PDXDC1: variants seen among roughly 807,000 people sequenced by gnomAD.
PDXDC1 encodes the protein pyridoxal-dependent decarboxylase domain-containing protein 1.
PDXDC1 carries 42 observed loss-of-function variants against 100.1 expected under a neutral mutation model. The observed-to-expected ratio is 0.42, with a 90% CI of 0.33 to 0.54. The LOEUF (loss-of-function observed/expected upper bound fraction) is 0.54, where lower values mean the gene tolerates loss of function less well. Among genes scored for constraint, PDXDC1 ranks in the 20% least tolerant of loss-of-function variants. The pLI, the probability that PDXDC1 is intolerant of heterozygous loss-of-function variation, is 0.10. For synonymous variants in PDXDC1, 260 were observed against 371.7 expected (o/e 0.70, Z 3.46); for missense variants, 636 against 979.2 (o/e 0.65, Z 4.68).
At chr16:15,128,494 C>T in intron 16 of PDXDC1, 1 of 698,498 alleles carries the variant, frequency 1.4e-6, no homozygotes, top group Non-Finnish European at 2.5e-6. Flanking sequence ...CAAGGAGCCA[C>T]ACAGGCAGTC....
intron 16 of PDXDC1, among the ~76,000 whole-genome samples, chr16:15,050,136 CAAT>C (rs1343813467): frequency 1.3e-5 from 2 of 152,054 alleles, no homozygotes; most frequent in Non-Finnish European, 2.9e-5. Flanking sequence ...TACTAAGTGT[CAAT>C]AATCTGAGTG....
At chr16:15,005,411 A>G (rs555074997) in intron 5 of PDXDC1, among the ~76,000 whole-genome samples, 4 of 152,404 alleles carry the variant, frequency 2.6e-5, no homozygotes, top group Admixed American at 2.6e-4. Flanking sequence ...AGGAATTACA[A>G]CAGGTGAAGG....
intron 1 of PDXDC1, among the ~76,000 whole-genome samples, chr16:14,983,487 C>T (rs1186390346): frequency 2.7e-5 from 4 of 146,060 alleles, no homozygotes; most frequent in African/African-American, 9.9e-5. Context: ...GCAGGAGAAT[C>T]GCTTGAACCC....
intron 5 of PDXDC1, among the ~76,000 whole-genome samples, chr16:15,005,708 T>C (rs1974110200): frequency 6.6e-6 from 1 of 152,284 alleles, no homozygotes; most frequent in East Asian, 1.9e-4. Flanking sequence ...ACTAGCTTTT[T>C]TATTTTTTTG....
intron 16 of PDXDC1, among the ~76,000 whole-genome samples, chr16:15,077,610 G>A (rs1438576985): frequency 1.3e-5 from 2 of 152,188 alleles, no homozygotes; most frequent in Non-Finnish European, 2.9e-5. Flanking sequence ...GGGAGGCCGA[G>A]GTGGACGGAT....
intron 1 of PDXDC1, among the ~76,000 whole-genome samples, chr16:14,990,884 G>C (rs1353899034): frequency 1.3e-5 from 2 of 152,274 alleles, no homozygotes; most frequent in Non-Finnish European, 2.9e-5. Flanking sequence ...AGGACTACAG[G>C]CATACGTGAC....
intron 1 of PDXDC1, chr16:14,988,790 G>C: frequency 6.2e-7 from 1 of 1,613,920 alleles, no homozygotes; most frequent in Non-Finnish European, 8.5e-7. Flanking sequence ...GCAGCCCCCC[G>C]AAGCTGAGCA....
chr16:15,060,319 G>A (rs1260897079), intron 16 of PDXDC1: 21 of 218,050 alleles, frequency 9.6e-5, no homozygotes, highest in South Asian at 2.1e-4. Flanking sequence ...CACCAAACCC[G>A]GAAAAGAAAA....
intron 12 of PDXDC1, 127 bp downstream of exon 12, chr16:15,019,092 T>C (rs2041993430): frequency 7.5e-7 from 1 of 1,327,586 alleles, no homozygotes; most frequent in African/African-American, 1.5e-5. Flanking sequence ...AGCCAGAGAC[T>C]AATCGCCCTG....
At chr16:15,071,676 G>A (rs946285831) in intron 16 of PDXDC1, among the ~76,000 whole-genome samples, 2 of 152,172 alleles carry the variant, frequency 1.3e-5, no homozygotes, top group African/African-American at 2.4e-5. Context: ...GCTGAGGCAG[G>A]AGAATCGCTT....
chr16:14,980,746 T>A (rs1967778401), intron 1 of PDXDC1, among the ~76,000 whole-genome samples: 3 of 152,288 alleles, frequency 2.0e-5, no homozygotes, highest in Admixed American at 6.5e-5. Context: ...ATTACAGGCA[T>A]GAGCCACCGC....
At chr16:15,130,854 G>A (rs1202088654) in intron 16 of PDXDC1, 9 of 735,118 alleles carry the variant, frequency 1.2e-5, no homozygotes, top group East Asian at 2.6e-5. Context: ...GGACACCCAC[G>A]ATGGCCCTCC....
chr16:15,078,054 C>T (rs2045541041), intron 16 of PDXDC1, among the ~76,000 whole-genome samples: 1 of 152,194 alleles, frequency 6.6e-6, no homozygotes, highest in African/African-American at 2.4e-5. Context: ...ATTCAAATAT[C>T]TTAACATACC....
At position 15,034,273 on chromosome 16, in the gene PDXDC1, G is replaced by A; in HGVS notation, c.1813-13G>A. The A allele has an allele frequency of 6.2e-7, 1 of 1,611,690 alleles. No individual in the cohort carries two copies. Among genetic ancestry groups the A allele is most frequent in the African/African-American group, 1.3e-5 (1 of 74,984 alleles). On this transcript the variant is annotated splice_polypyrimidine_tract_variant and intron_variant, in intron 19 of 22. Transcript: ENST00000396410. ...ACCTTAAACAAGTAATGTCTTTCTT[G>A]GTCTTGCCACAGCTTCTGGAAAACA...
rs1420838112 is a variant in PDXDC1, at chr16:15,122,798, G to T, written c.1400-16081G>T. Among the ~76,000 whole-genome samples, 5 of 128,250 alleles carry T rather than the reference G, an allele frequency of 3.9e-5. No homozygotes were observed. In the East Asian group the frequency reaches 1.3e-3, roughly 33 times the overall value. The allele number at this position is 128,250 out of a possible 152,430, so 84.1% of individuals were successfully genotyped here. A position where few individuals can be genotyped will look rare whatever the true frequency, so the allele number is the denominator to read the frequency against. On this transcript the variant is annotated intron_variant, in intron 16 of 16. Transcript: ENST00000535621. ...GGCAGGGGGGAGGGAAGGGGACGGG[G>T]ACTGGGCGGGATCTGAGTTGGGGAG...
intron 1 of PDXDC1, among the ~76,000 whole-genome samples, chr16:14,991,758 C>A (rs1970903748): frequency 1.3e-5 from 2 of 152,142 alleles, no homozygotes; most frequent in Non-Finnish European, 2.9e-5. Context: ...CCGGACTCAA[C>A]TGATCCTCCT....
At chr16:15,086,846 C>A (rs2045932845) in intron 16 of PDXDC1, among the ~76,000 whole-genome samples, 1 of 152,122 alleles carries the variant, frequency 6.6e-6, no homozygotes. Flanking sequence ...TTCAAGCTGA[C>A]CAGGAAGCAT....
At chr16:15,025,660 A>G (rs1302453562) in intron 13 of PDXDC1, 1 of 152,364 alleles carries the variant, frequency 6.6e-6, no homozygotes, top group Non-Finnish European at 1.5e-5. Flanking sequence ...CGGCCCTACC[A>G]GTGAGTCATC....
At chr16:15,140,593 GCAGT>G (rs1238617778), downstream of PDXDC1, among the ~76,000 whole-genome samples, 3 of 152,148 alleles carry the variant, frequency 2.0e-5, no homozygotes, top group Admixed American at 2.0e-4. Context: ...TCCCATGTCA[GCAGT>G]CAGTGAAGAA....
Sources: gnomAD v4.1 joint callset for allele counts (sites outside exome capture counted in the v4.1 genomes callset) on GRCh38, gnomAD v4.1.1 for gene constraint, MANE v1.5 for transcripts, NCBI Gene and HGNC (gene_info 2026-07-23, HGNC 2026-07-21) for gene names.